COL21A1: variants seen among roughly 807,000 people sequenced by gnomAD.
The protein encoded by COL21A1 is collagen alpha-1(XXI) chain.
COL21A1 carries 149 observed loss-of-function variants against 137.9 expected under a neutral mutation model. The ratio of observed to expected loss-of-function variants is 1.08; its 90% CI spans 0.95 to 1.24. The LOEUF is 1.24. COL21A1 is among the 50% of genes most tolerant of loss of function. The pLI is 0.00. For synonymous variants in COL21A1, 456 were observed against 391.5 expected (o/e 1.16, Z -1.95); for missense variants, 1,167 against 1,158.4 (o/e 1.01, Z -0.11).
intron 10 of COL21A1, among the ~76,000 whole-genome samples, chr6:56,151,018 T>C (rs527658901): frequency 2.0e-3 from 310 of 152,152 alleles, no homozygotes; most frequent in African/African-American, 7.0e-3. Flanking sequence ...GGTCAGGAGA[T>C]CAAGACCATC....
At chr6:56,122,920 G>C (rs1279229463) in intron 16 of COL21A1, among the ~76,000 whole-genome samples, 1 of 152,156 alleles carries the variant, frequency 6.6e-6, no homozygotes, top group Non-Finnish European at 1.5e-5. Flanking sequence ...CAGCTAGTTA[G>C]AGAAAGTCAT....
At chr6:56,188,950 C>G (rs1778481298) in intron 1 of COL21A1, among the ~76,000 whole-genome samples, 1 of 152,048 alleles carries the variant, frequency 6.6e-6, no homozygotes, top group Non-Finnish European at 1.5e-5. Context: ...CACTCAAGGA[C>G]CCCATCTGAA....
chr6:56,097,739 T>G (rs1769485039), intron 17 of COL21A1, among the ~76,000 whole-genome samples: 1 of 132,902 alleles, frequency 7.5e-6, no homozygotes, highest in Admixed American at 8.9e-5. Flanking sequence ...TAAGCACTCC[T>G]CATTTTATAT....
intron 2 of COL21A1, 72 bp from the exon 3 acceptor site, chr6:56,180,201 T>C: frequency 8.3e-7 from 1 of 1,201,656 alleles, no homozygotes; most frequent in Non-Finnish European, 1.2e-6. Context: ...TTTAAATATA[T>C]GAGTTTCAGC....
intron 21 of COL21A1, among the ~76,000 whole-genome samples, chr6:56,070,137 A>G (rs1267044626): frequency 6.6e-6 from 1 of 151,604 alleles, no homozygotes; most frequent in African/African-American, 2.4e-5. Context: ...AACATGCTTC[A>G]TGGTTCTGTT....
At chr6:56,260,332 C>T (rs917857332) in intron 1 of COL21A1, among the ~76,000 whole-genome samples, 1 of 151,814 alleles carries the variant, frequency 6.6e-6, no homozygotes, top group African/African-American at 2.4e-5. Flanking sequence ...GCCTGTAATC[C>T]CAGCACTTTG....
At chr6:56,143,203 T>C (rs986118368) in intron 10 of COL21A1, among the ~76,000 whole-genome samples, 1 of 146,762 alleles carries the variant, frequency 6.8e-6, no homozygotes, top group Non-Finnish European at 1.5e-5. Flanking sequence ...ATTTTTCTTT[T>C]TTTTTTTTTT....
chr6:56,327,965 T>C (rs1279434382), intron 1 of COL21A1, among the ~76,000 whole-genome samples: 1 of 152,020 alleles, frequency 6.6e-6, no homozygotes, highest in Non-Finnish European at 1.5e-5. Context: ...GCTAACATAA[T>C]AGCCTGATTA....
At chr6:56,145,297 T>C (rs1434969137) in intron 10 of COL21A1, among the ~76,000 whole-genome samples, 1 of 152,208 alleles carries the variant, frequency 6.6e-6, no homozygotes. Flanking sequence ...GATATGTATA[T>C]TTTTAAGGTT....
chr6:56,073,454 C>T (rs1766937828), intron 20 of COL21A1, among the ~76,000 whole-genome samples: 1 of 151,414 alleles, frequency 6.6e-6, no homozygotes, highest in Non-Finnish European at 1.5e-5. Flanking sequence ...AGTAGGTCAT[C>T]TACTCATATG....
chr6:56,076,836 T>G (rs1056261159), intron 18 of COL21A1, among the ~76,000 whole-genome samples: 3 of 151,442 alleles, frequency 2.0e-5, no homozygotes, highest in African/African-American at 7.3e-5. Flanking sequence ...GGTGATTCTT[T>G]CCAGAACTAC....
intron 1 of COL21A1, among the ~76,000 whole-genome samples, chr6:56,191,770 T>G (rs1193631411): frequency 6.6e-6 from 1 of 152,082 alleles, no homozygotes; most frequent in African/African-American, 2.4e-5. Context: ...AAACAGTCCA[T>G]GCTCATGGAA....
intron 1 of COL21A1, among the ~76,000 whole-genome samples, chr6:56,280,470 G>A (rs113924996): frequency 2.0e-4 from 31 of 152,226 alleles, no homozygotes; most frequent in Admixed American, 1.4e-3. Flanking sequence ...GACCTGGCCC[G>A]CTGGAGATGA....
chr6:56,116,304 G>T (rs1435209102), intron 16 of COL21A1, among the ~76,000 whole-genome samples: 2 of 149,162 alleles, frequency 1.3e-5, no homozygotes, highest in Non-Finnish European at 3.0e-5. Context: ...ATACAATGGA[G>T]CTCCAATATG....
chr6:56,210,252 T>C (rs1780075371), intron 1 of COL21A1, among the ~76,000 whole-genome samples: 1 of 151,984 alleles, frequency 6.6e-6, no homozygotes, highest in Non-Finnish European at 1.5e-5. Flanking sequence ...ACTTAAAGTA[T>C]AATAATAAAA....
intron 1 of COL21A1, among the ~76,000 whole-genome samples, chr6:56,223,646 T>TA (rs555448861): frequency 5.9e-5 from 9 of 151,770 alleles, no homozygotes; most frequent in African/African-American, 1.5e-4. Context: ...ATATTAATTT[T>TA]AAAAAAAACA....
intron 1 of COL21A1, among the ~76,000 whole-genome samples, chr6:56,390,206 A>C (rs1430397555): frequency 6.6e-6 from 1 of 152,034 alleles, no homozygotes; most frequent in Non-Finnish European, 1.5e-5. Flanking sequence ...GAGTTTTTTT[A>C]GTTTTCTCTG....
intron 1 of COL21A1, among the ~76,000 whole-genome samples, chr6:56,337,759 A>C (rs1765362552): frequency 6.6e-6 from 1 of 152,214 alleles, no homozygotes; most frequent in African/African-American, 2.4e-5. Flanking sequence ...CTTGTGTGCT[A>C]TATCAAACTT....
At chr6:56,199,449 T>G (rs1283747709) in intron 1 of COL21A1, among the ~76,000 whole-genome samples, 1 of 152,082 alleles carries the variant, frequency 6.6e-6, no homozygotes, top group African/African-American at 2.4e-5. Context: ...GAAATCCAGA[T>G]TATAGAGTTA....
Sources: gnomAD v4.1 joint callset for allele counts (sites outside exome capture counted in the v4.1 genomes callset) on GRCh38, gnomAD v4.1.1 for gene constraint, MANE v1.5 for transcripts, NCBI Gene and HGNC (gene_info 2026-07-23, HGNC 2026-07-21) for gene names.